Variants in HLA-G observed in about 807,000 individuals in gnomAD.
HLA-G encodes major histocompatibility complex, class I, G.
A neutral mutation model predicts 39.3 loss-of-function variants in HLA-G; 34 were observed. The ratio of observed to expected loss-of-function variants is 0.86; its 90% CI spans 0.66 to 1.15. The LOEUF is 1.15. HLA-G is among the 50% of genes most tolerant of loss of function. The probability of loss-of-function intolerance (pLI) is 0.00; values close to 1 mark genes in which losing one functional copy is unlikely to be tolerated. For missense variants in HLA-G, 419 were observed against 456.4 expected, an observed-to-expected ratio of 0.92 and a Z score of 0.75; for synonymous variants, 183 against 185.8, an observed-to-expected ratio of 0.99 and a Z score of 0.12.
rs1307121254 is a variant in HLA-G, at chr6:29,829,673, A to C, written c.875A>C (p.Glu292Ala). ...TCHVQHEGLP[E>A]PLMLRWKQSS... ...CATGTGCAGCATGAGGGGCTGCCGGAGCCCCTCATGCTGAGATGGAGTAAG... is the reference window on the plus strand; with the variant it reads ...CATGTGCAGCATGAGGGGCTGCCGGCGCCCCTCATGCTGAGATGGAGTAAG... Residue 292 changes from glutamate (E) to alanine (A), a missense_variant, in exon 4 of 7, where the codon GAG becomes GCG. Around this residue, in one of 2 missense-constraint regions of HLA-G, gnomAD observed 328 missense variants for 323.0 expected, o/e 1.02. Transcript: ENST00000360323. 1 of 1,613,432 alleles carries C rather than the reference A, an allele frequency of 6.2e-7. No individual in the cohort carries two copies. Among genetic ancestry groups the C allele is most frequent in the South Asian group, 1.1e-5 (1 of 91,050 alleles).
At position 29,828,342 on chromosome 6, in the gene HLA-G, G is replaced by A. The variant is rs201510147; in HGVS notation, c.343+26G>A. 2,200 of 1,561,604 alleles carry A rather than the reference G, an allele frequency of 1.4e-3. 14 individuals carry two copies. The highest frequency in any genetic ancestry group is 0.012 in the Middle Eastern group (68 of 5,880). On this transcript the variant is annotated intron_variant, in intron 2 of 6. Coordinates refer to ENST00000360323, the MANE Select transcript of HLA-G (RefSeq NM_001384290.1). The stretch of plus-strand genomic sequence containing the variant: ...GTGAGTAACTCCGGCCCAGGGAGCA[G>A]ATCACGACCCCCACCTCCATGCCCC...
chr6:29,829,751 A>G, intron 4 of HLA-G, 58 bp downstream of exon 4: 1 of 1,603,676 alleles, frequency 6.2e-7, no homozygotes, highest in Non-Finnish European at 8.5e-7. Context: ...CTCTCTGAAG[A>G]CCTTTAACAG....
intron 4 of HLA-G, 26 bp from the exon 5 acceptor site, chr6:29,829,790 A>C: frequency 6.3e-7 from 1 of 1,597,820 alleles, no homozygotes; most frequent in Non-Finnish European, 8.6e-7. Flanking sequence ...GGGGTCAGAG[A>C]CCCTCACCTT....
rs761503504 is a variant in HLA-G, at chr6:29,829,802, A to G, written c.896-14A>G. 1 of 1,609,248 alleles carries G rather than the reference A, an allele frequency of 6.2e-7. No homozygotes were observed. Among genetic ancestry groups the G allele is most frequent in the South Asian group, 1.1e-5 (1 of 90,684 alleles). On this transcript the variant is annotated splice_polypyrimidine_tract_variant and intron_variant, in intron 4 of 6. Transcript: ENST00000360323. The stretch of plus-strand genomic sequence containing the variant: ...CTGGGGGTCAGAGACCCTCACCTTC[A>G]CCTCCTTTCCCAGAGCAGTCTTCCC...
chr6:29,829,762 G>T (rs1376224909), intron 4 of HLA-G, 54 bp from the exon 5 acceptor site: 6 of 1,604,136 alleles, frequency 3.7e-6, no homozygotes, highest in East Asian at 4.5e-5. Context: ...CCTTTAACAG[G>T]GTCGGTGGTG....
At chr6:29,826,491 A>G (rs957311776), upstream of HLA-G, among the ~76,000 whole-genome samples, 2 of 152,136 alleles carry the variant, frequency 1.3e-5, no homozygotes, top group African/African-American at 2.4e-5. Context: ...CAGGACCACT[A>G]TAGAGAGAAC....
At chr6:29,828,950 C>T in intron 3 of HLA-G, 132 bp downstream of exon 3, 1 of 1,222,030 alleles carries the variant, frequency 8.2e-7, no homozygotes, top group Admixed American at 1.9e-5. Context: ...GAGGAATCCT[C>T]CTGGGTTTCC....
intron 5 of HLA-G, 115 bp from the exon 6 acceptor site, chr6:29,830,263 G>A: frequency 8.6e-7 from 1 of 1,166,586 alleles, no homozygotes; most frequent in Non-Finnish European, 1.3e-6. Flanking sequence ...CCCGCCCTGG[G>A]TCTGCAGTCA....
Position 29,829,869 on chromosome 6 carries a change from G to T in HLA-G, c.949G>T (p.Val317Phe). The change falls in exon 5 of 7, where the codon GTC becomes TTC. Residue 317 changes from valine (V) to phenylalanine (F), a missense_variant. Transcript: ENST00000360323. ...PIMGIVAGLV[V>F]LAAVVTGAAV... The stretch of plus-strand genomic sequence containing the variant: ...CATGGGTATCGTTGCTGGCCTGGTT[G>T]TCCTTGCAGCTGTAGTCACTGGAGC... 6.2e-7 allele frequency: 1 copy of T among 1,614,078 alleles called. No homozygotes were observed.
chr6:29,827,739 C>T (rs1760788252), upstream of HLA-G: 12 of 1,161,956 alleles, frequency 1.0e-5, no homozygotes, highest in Non-Finnish European at 1.2e-5. Context: ...CCAGTTCTCA[C>T]TCCCATTAGG....
chr6:29,829,215 C>T (rs1761022409), intron 3 of HLA-G, among the ~76,000 whole-genome samples: 1 of 151,896 alleles, frequency 6.6e-6, no homozygotes. Flanking sequence ...AACCGGAGGT[C>T]CCTGCTCCCC....
At chr6:29,827,433 G>C (rs560767298), upstream of HLA-G, 3 of 355,030 alleles carry the variant, frequency 8.4e-6, no homozygotes, top group African/African-American at 4.3e-5. Context: ...AGGGAGTCCA[G>C]TTCAGGGACA....
At chr6:29,827,789 C>T (rs17875397), upstream of HLA-G, 62,869 of 1,551,432 alleles carry the variant, frequency 0.041, 1,742 homozygotes, top group African/African-American at 0.1. Context: ...TCGCCGCGGT[C>T]CTGGTTCTAA....
intron 4 of HLA-G, 48 bp downstream of exon 4, chr6:29,829,741 C>T: frequency 6.2e-7 from 1 of 1,605,730 alleles, no homozygotes; most frequent in Non-Finnish European, 8.5e-7. Flanking sequence ...AAGCAGGAGC[C>T]TCTCTGAAGA....
chr6:29,829,643 C>T lies in HLA-G; in HGVS notation c.845C>T (p.Thr282Met), dbSNP rs12722482. Reference sequence around the variant, plus strand: ...CCTTCTGGAGAGGAGCAGAGATACACGTGCCATGTGCAGCATGAGGGGCTG... The same window carrying T: ...CCTTCTGGAGAGGAGCAGAGATACATGTGCCATGTGCAGCATGAGGGGCTG... ...VVPSGEEQRY[T>M]CHVQHEGLPE... The change falls in exon 4 of 7, where the codon ACG (threonine) becomes ATG (methionine). Residue 282 changes from threonine to methionine, a missense_variant. Physicochemically the swap from Thr to Met is moderately conservative, Grantham distance 81. Around this residue, in one of 2 missense-constraint regions of HLA-G, gnomAD observed 328 missense variants for 323.0 expected, o/e 1.02. Transcript: ENST00000360323. 96,532 of 1,613,874 alleles carry T rather than the reference C, an allele frequency of 0.06. 3,630 individuals are homozygous for T. The highest frequency in any genetic ancestry group is 0.13 in the South Asian group (12,003 of 91,064).
chr6:29,828,138 G>A lies in HLA-G; in HGVS notation c.165G>A (p.Thr55=). The change falls in exon 2 of 7, where the codon ACG becomes ACA. Residue 55 remains threonine, a synonymous_variant. Coordinates refer to ENST00000360323, the MANE Select transcript of HLA-G (RefSeq NM_001384290.1). ...TCGCCATGGGCTACGTGGACGACAC[G>A]CAGTTCGTGCGGTTCGACAGCGACT... is the stretch of plus-strand genomic sequence containing the variant. The part of the protein sequence containing the change: ...RFIAMGYVDD[T]QFVRFDSDSA... 2 of 1,613,220 alleles carry A rather than the reference G, an allele frequency of 1.2e-6. No homozygotes were observed. Among genetic ancestry groups the A allele is most frequent in the South Asian group, 1.1e-5 (1 of 91,068 alleles).
At chr6:29,828,433 C>T in intron 2 of HLA-G, 110 bp from the exon 3 acceptor site, 1 of 1,552,870 alleles carries the variant, frequency 6.4e-7, no homozygotes, top group Non-Finnish European at 8.7e-7. Flanking sequence ...GGGACCCGCC[C>T]AGACCCTCTA....
intron 6 of HLA-G, 21 bp from the exon 7 acceptor site, chr6:29,830,747 T>C (rs748337864): frequency 5.4e-5 from 29 of 533,138 alleles, no homozygotes; most frequent in Non-Finnish European, 7.8e-5. Flanking sequence ...TATGAATTTG[T>C]TCATGAATAT....
At position 29,830,386 on chromosome 6, in the gene HLA-G, G is replaced by T. The variant is rs763482973; in HGVS notation, c.*4G>T. ...ACATTTTCTTCCCACAGATTGAAAA[G>T]GAGGGAGCTACTCTCAGGCTGCAAG... On this transcript the variant is annotated 3_prime_UTR_variant, in exon 6 of 7. Coordinates refer to ENST00000360323, the MANE Select transcript of HLA-G (RefSeq NM_001384290.1). The T allele has an allele frequency of 3.5e-5, 56 of 1,613,672 alleles. No homozygotes were observed. The highest frequency in any genetic ancestry group is 4.5e-5 in the Non-Finnish European group (53 of 1,179,708).
Sources: allele counts gnomAD v4.1 joint callset (sites outside exome capture counted in the v4.1 genomes callset), GRCh38; gene constraint gnomAD v4.1.1; regional missense constraint gnomAD v4.1.1; transcripts MANE v1.5; gene names NCBI Gene and HGNC (gene_info 2026-07-23, HGNC 2026-07-21).